MIDEAS: variants seen among roughly 807,000 people sequenced by gnomAD.
MIDEAS encodes mitotic deacetylase-associated SANT domain protein.
Under a neutral mutation model 102.7 loss-of-function variants are expected in MIDEAS, and 26 were observed. The ratio of observed to expected loss-of-function variants is 0.25; its 90% CI spans 0.19 to 0.35. The LOEUF (loss-of-function observed/expected upper bound fraction) is 0.35, where lower values mean the gene tolerates loss of function less well. Ranked by LOEUF, MIDEAS falls within the 10% of genes least tolerant of loss-of-function variation. The pLI is 1.00. For synonymous variants in MIDEAS, 585 were observed against 591.0 expected (o/e 0.99, Z 0.15); for missense variants, 1,231 against 1,435.6 (o/e 0.86, Z 2.30).
chr14:73,739,661 G>A lies in MIDEAS; in HGVS notation c.348C>T (p.Val116=), dbSNP rs1052852119. The change falls in exon 2 of 13, where the codon GTC becomes GTT. Residue 116 remains valine (V), a synonymous_variant. Transcript: ENST00000423556. ...RGPERGGGGG[V]SDSSWQQQPG... ...GCTGCTGCTGCCAGCTGCTGTCACT[G>A]ACACCCCCACCTCCTCCACGCTCCG... is the stretch of plus-strand genomic sequence containing the variant. 3.7e-6 allele frequency: 6 copies of A among 1,613,742 alleles called. No homozygotes were observed. The African/African-American group carries it at 8.0e-5, about 22-fold the overall frequency.
At position 73,783,725 on chromosome 14, in the gene MIDEAS, G is replaced by A. The variant is rs555915571; in HGVS notation, c.-248+3377C>T. 1.9e-4 allele frequency among the ~76,000 whole-genome samples: 29 copies of A among 152,318 alleles called. No individual in the cohort carries two copies. In the South Asian group the frequency reaches 2.3e-3, roughly 12 times the overall value. ...AGACGAGAAAGAAGAAGGTTTAAGG[G>A]GCTCACAAAGAGATGCTTCAGTGAG... On this transcript the variant is annotated intron_variant, in intron 1 of 11. Coordinates refer to the MIDEAS transcript ENST00000394071.
At chr14:73,751,019 C>A (rs954818263) in intron 1 of MIDEAS, among the ~76,000 whole-genome samples, 1 of 152,198 alleles carries the variant, frequency 6.6e-6, no homozygotes, top group Non-Finnish European at 1.5e-5. Flanking sequence ...TAGATATTAT[C>A]ATTATTATTT....
In MIDEAS at chr14:73,737,086, G is replaced by A. The variant is rs17782124; in HGVS notation, c.1661C>T (p.Pro554Leu). The change falls in exon 3 of 13, where the codon CCT (proline) becomes CTT (leucine). Residue 554 changes from proline to leucine, a missense_variant. This residue lies in a region of MIDEAS where 758 missense variants were observed against 856.0 expected (regional missense o/e 0.89). Coordinates refer to ENST00000423556, the MANE Select transcript of MIDEAS (RefSeq NM_001367710.1). The stretch of plus-strand genomic sequence containing the variant: ...CTTGTGCTCAGCAGGGTTCTGTTCA[G>A]GACCCTTCCCGTCCTCATCAAGACC... ...AGGLDEDGKGPEQNPAEHKPS... is the reference protein window; with the variant it reads ...AGGLDEDGKGLEQNPAEHKPS... The A allele has an allele frequency of 0.19, 306,064 of 1,613,992 alleles. 30,670 individuals are homozygous for A. Among genetic ancestry groups the A allele is most frequent in the South Asian group, 0.28 (25,201 of 91,070 alleles).
At chr14:73,771,002 T>C (rs1368005310) in intron 1 of MIDEAS, among the ~76,000 whole-genome samples, 1 of 152,224 alleles carries the variant, frequency 6.6e-6, no homozygotes, top group East Asian at 1.9e-4. Context: ...TTGGGGCATC[T>C]AGGAATAAAC....
intron 4 of MIDEAS, 129 bp downstream of exon 4, chr14:73,729,508 AGAG>A: frequency 1.4e-6 from 1 of 738,318 alleles, no homozygotes; most frequent in Non-Finnish European, 2.1e-6. Context: ...TCTCAATCTC[AGAG>A]AAGACAGAGC....
Position 73,740,169 on chromosome 14 carries a change from A to C in MIDEAS, c.-161T>G. The C allele has an allele frequency of 1.2e-6, 1 of 827,312 alleles. No homozygotes were observed. The highest frequency in any genetic ancestry group is 1.8e-5 in the African/African-American group (1 of 56,906). The allele number at this position is 827,312 out of a possible 1,614,324, so 51.2% of individuals were successfully genotyped here. A position where few individuals can be genotyped will look rare whatever the true frequency, so the allele number is the denominator to read the frequency against. ...AGTGAGGTCGGACACTGGGAGAAAG[A>C]ACTGCTGGCTCTTCCTTTCTCTTCC... On this transcript the variant is annotated 5_prime_UTR_variant, in exon 2 of 13. Transcript: ENST00000423556.
intron 1 of MIDEAS, among the ~76,000 whole-genome samples, chr14:73,747,386 C>CTTG (rs2053366440): frequency 1.3e-5 from 2 of 152,122 alleles, no homozygotes; most frequent in African/African-American, 4.8e-5. Context: ...CAAAGAAACA[C>CTTG]CTTTGTAAAA....
intron 3 of MIDEAS, among the ~76,000 whole-genome samples, chr14:73,735,140 T>C (rs2053186065): frequency 6.6e-6 from 1 of 152,160 alleles, no homozygotes; most frequent in African/African-American, 2.4e-5. Flanking sequence ...TCAAACGAAA[T>C]ATAATTTCAG....
chr14:73,718,717 G>T lies in MIDEAS; in HGVS notation c.*126C>A, dbSNP rs2140089819. On this transcript the variant is annotated 3_prime_UTR_variant, in exon 13 of 13. Transcript: ENST00000423556. ...AGCCGTTTATGTCATTGTCTCATTT[G>T]TTTCGCAGGGAAAAGTCCCTGCAAT... is the stretch of plus-strand genomic sequence containing the variant. 4 of 993,716 alleles carry T rather than the reference G, an allele frequency of 4.0e-6. No homozygotes were observed. The highest frequency in any genetic ancestry group is 5.3e-6 in the Non-Finnish European group (4 of 748,408). The allele number at this position is 993,716 out of a possible 1,614,324, so 61.6% of individuals were successfully genotyped here. A position where few individuals can be genotyped will look rare whatever the true frequency, so the allele number is the denominator to read the frequency against.
upstream of MIDEAS, among the ~76,000 whole-genome samples, chr14:73,764,328 A>C (rs1168896755): frequency 1.5e-5 from 2 of 137,058 alleles, no homozygotes; most frequent in African/African-American, 5.7e-5. Flanking sequence ...CAACAGAGGG[A>C]GACCCTGTCT....
At chr14:73,752,354 T>C (rs1393624592) in intron 1 of MIDEAS, among the ~76,000 whole-genome samples, 3 of 152,134 alleles carry the variant, frequency 2.0e-5, no homozygotes, top group Admixed American at 1.3e-4. Flanking sequence ...TGCCAGGTCC[T>C]TGACATTCGT....
chr14:73,727,026 C>T, intron 5 of MIDEAS, 54 bp from the exon 6 acceptor site: 5 of 1,543,916 alleles, frequency 3.2e-6, no homozygotes, highest in Non-Finnish European at 4.4e-6. Context: ...GGACGGAGAA[C>T]TTGATGATCC....
rs2053067152 is a variant in MIDEAS, at chr14:73,726,810, G to A, written c.2305+20C>T. On this transcript the variant is annotated intron_variant, in intron 6 of 12. Coordinates refer to ENST00000423556, the MANE Select transcript of MIDEAS (RefSeq NM_001367710.1). ...ACCCATGTGCCTGCCCTCACTTGCT[G>A]CCCCCAGGCCCCTCCTCACCTTGCC... 6.2e-7 allele frequency: 1 copy of A among 1,605,284 alleles called. No individual in the cohort carries two copies. The highest frequency in any genetic ancestry group is 1.3e-5 in the African/African-American group (1 of 74,790).
At chr14:73,747,701 G>A (rs2053370598) in intron 1 of MIDEAS, among the ~76,000 whole-genome samples, 1 of 151,586 alleles carries the variant, frequency 6.6e-6, no homozygotes, top group Admixed American at 6.6e-5. Flanking sequence ...GTGGGGGTCG[G>A]GGGTGGGAAG....
intron 1 of MIDEAS, among the ~76,000 whole-genome samples, chr14:73,769,669 T>TCCAG (rs1218035540): frequency 6.6e-6 from 1 of 152,158 alleles, no homozygotes; most frequent in Non-Finnish European, 1.5e-5. Flanking sequence ...TGGTGCAATC[T>TCCAG]TGGCTCACTG....
At chr14:73,768,633 C>T (rs1400905860) in intron 1 of MIDEAS, among the ~76,000 whole-genome samples, 2 of 151,544 alleles carry the variant, frequency 1.3e-5, no homozygotes, top group Admixed American at 1.3e-4. Context: ...TACAGGTGTG[C>T]ACCACCACGC....
chr14:73,746,554 C>T (rs1015160787), intron 1 of MIDEAS, among the ~76,000 whole-genome samples: 2 of 152,180 alleles, frequency 1.3e-5, no homozygotes, highest in African/African-American at 2.4e-5. Context: ...CTTGCTCTGT[C>T]TCCTCAAAAC....
chr14:73,779,768 G>A (rs892450284), intron 1 of MIDEAS, among the ~76,000 whole-genome samples: 67 of 142,822 alleles, frequency 4.7e-4, no homozygotes, highest in East Asian at 4.3e-4. Context: ...TAGTAGAGAC[G>A]GGGTTTCACC....
intron 1 of MIDEAS, among the ~76,000 whole-genome samples, chr14:73,780,892 C>T (rs1414230060): frequency 6.6e-6 from 1 of 152,060 alleles, no homozygotes; most frequent in Non-Finnish European, 1.5e-5. Context: ...AATACGCATC[C>T]CACTCTCTTC....
Sources: allele counts gnomAD v4.1 joint callset (sites outside exome capture counted in the v4.1 genomes callset), GRCh38; gene constraint gnomAD v4.1.1; regional missense constraint gnomAD v4.1.1; transcripts MANE v1.5; gene names NCBI Gene and HGNC (gene_info 2026-07-23, HGNC 2026-07-21).